Variants in DIP2C observed in about 807,000 individuals in gnomAD.
The protein encoded by DIP2C is disco-interacting protein 2 homolog C.
DIP2C carries 33 observed loss-of-function variants against 192.4 expected under a neutral mutation model. The ratio of observed to expected loss-of-function variants is 0.17; its 90% CI spans 0.13 to 0.23. The LOEUF is 0.23. Ranked by LOEUF, DIP2C falls within the 10% of genes least tolerant of loss-of-function variation. The pLI, the probability that DIP2C is intolerant of heterozygous loss-of-function variation, is 1.00. For synonymous variants in DIP2C, 979 were observed against 864.1 expected, an observed-to-expected ratio of 1.13 and a Z score of -2.33; for missense variants, 1,537 against 2,110.1, an observed-to-expected ratio of 0.73 and a Z score of 5.32.
chr10:473,904 G>A (rs1970850179), intron 2 of DIP2C, among the ~76,000 whole-genome samples: 1 of 152,126 alleles, frequency 6.6e-6, no homozygotes. Flanking sequence ...GCTTTTGATG[G>A]TGCGTGTGTG....
chr10:445,922 A>AAG (rs1385742978), intron 3 of DIP2C, among the ~76,000 whole-genome samples: 22 of 149,248 alleles, frequency 1.5e-4, no homozygotes, highest in African/African-American at 5.2e-4. Flanking sequence ...ATCTGTTGTG[A>AAG]AGTCTCACAG....
intron 3 of DIP2C, among the ~76,000 whole-genome samples, chr10:461,560 G>C (rs898176945): frequency 6.6e-6 from 1 of 152,162 alleles, no homozygotes; most frequent in Admixed American, 6.5e-5. Context: ...CCTACCAAGA[G>C]ACTTAGACTC....
At position 396,943 on chromosome 10, in the gene DIP2C, T is replaced by C. The variant is rs547766870; in HGVS notation, c.1260+2166A>G. ...ACGAGCATACTCAGGAGGCCAAGCA[T>C]GAACCTCCTGGCTTTGTACATAGGA... On this transcript the variant is annotated intron_variant, in intron 10 of 36. Coordinates refer to ENST00000280886, the MANE Select transcript of DIP2C (RefSeq NM_014974.3). 1.2e-3 allele frequency among the ~76,000 whole-genome samples: 186 copies of C among 152,150 alleles called. 4 individuals are homozygous for C. The highest frequency in any genetic ancestry group is 0.012 in the South Asian group (58 of 4,806).
intron 1 of DIP2C, among the ~76,000 whole-genome samples, chr10:532,067 C>G (rs1847404336): frequency 6.6e-6 from 1 of 152,170 alleles, no homozygotes; most frequent in Non-Finnish European, 1.5e-5. Flanking sequence ...CCTTTAGTGC[C>G]ATAAATCCTA....
intron 22 of DIP2C, among the ~76,000 whole-genome samples, chr10:361,025 G>A (rs1299509098): frequency 6.6e-6 from 1 of 152,096 alleles, no homozygotes; most frequent in Non-Finnish European, 1.5e-5. Flanking sequence ...CCGGGGCAGG[G>A]GACGTCTGCT....
At chr10:378,864 GA>G (rs1214938606) in intron 17 of DIP2C, among the ~76,000 whole-genome samples, 12 of 150,572 alleles carry the variant, frequency 8.0e-5, no homozygotes, top group Admixed American at 4.6e-4. Context: ...CATGTGAACA[GA>G]CATGCCTAGA....
At chr10:453,229 A>G (rs1269420257) in intron 3 of DIP2C, among the ~76,000 whole-genome samples, 1 of 152,216 alleles carries the variant, frequency 6.6e-6, no homozygotes. Flanking sequence ...CCAAAGCCTT[A>G]ATTACAAATG....
chr10:419,060 C>G lies in DIP2C; in HGVS notation c.739+5G>C. ...AAAAAAACGCATCTCTCCTTTGGGA[C>G]GTACCATCCCCGGTCTCCATGAGCT... On this transcript the variant is annotated splice_donor_5th_base_variant and intron_variant, in intron 6 of 36. Transcript: ENST00000280886. The G allele has an allele frequency of 6.2e-7, 1 of 1,614,240 alleles. No homozygotes were observed. The highest frequency in any genetic ancestry group is 8.5e-7 in the Non-Finnish European group (1 of 1,180,040).
chr10:644,572 C>A (rs957781241), intron 1 of DIP2C, among the ~76,000 whole-genome samples: 3 of 152,278 alleles, frequency 2.0e-5, no homozygotes, highest in Admixed American at 1.3e-4. Flanking sequence ...GGAGTCTGGG[C>A]AGGTGCAGCT....
intron 1 of DIP2C, among the ~76,000 whole-genome samples, chr10:496,419 T>A (rs890312250): frequency 6.7e-6 from 1 of 149,082 alleles, no homozygotes; most frequent in African/African-American, 2.5e-5. Context: ...CACGGTGCCC[T>A]CCCGTGTACT....
chr10:480,983 G>T (rs979185099), intron 2 of DIP2C, among the ~76,000 whole-genome samples: 1 of 152,198 alleles, frequency 6.6e-6, no homozygotes, highest in African/African-American at 2.4e-5. Flanking sequence ...CTGCCACATG[G>T]CCTGAGACCC....
intron 4 of DIP2C, chr10:437,956 T>C (rs1194116335): frequency 6.6e-6 from 1 of 152,136 alleles, no homozygotes; most frequent in African/African-American, 2.4e-5. Flanking sequence ...GTAAGCAGGG[T>C]AATAAACATG....
At chr10:526,825 A>G (rs1037568694) in intron 1 of DIP2C, among the ~76,000 whole-genome samples, 1 of 152,160 alleles carries the variant, frequency 6.6e-6, no homozygotes, top group African/African-American at 2.4e-5. Context: ...ATCTTCTCCC[A>G]GGGAACTGGT....
At chr10:643,229 A>T (rs1248247825) in intron 1 of DIP2C, among the ~76,000 whole-genome samples, 1 of 149,864 alleles carries the variant, frequency 6.7e-6, no homozygotes, top group Non-Finnish European at 1.5e-5. Flanking sequence ...AAAAAAAAAA[A>T]ACAGGCCGGG....
Position 554,210 on chromosome 10 carries a change from G to T in DIP2C, c.86-67680C>A, listed in dbSNP as rs543128724. 2.6e-5 allele frequency among the ~76,000 whole-genome samples: 4 copies of T among 152,256 alleles called. No individual in the cohort carries two copies. In the East Asian group the frequency reaches 7.7e-4, roughly 29 times the overall value. On this transcript the variant is annotated intron_variant, in intron 1 of 36. Transcript: ENST00000280886. Reference sequence around the variant, plus strand: ...CATCACAGGAGAAAAGGTATAGCTTGTAACTAACAGTGGCGAACAGGCAGG... The same window carrying T: ...CATCACAGGAGAAAAGGTATAGCTTTTAACTAACAGTGGCGAACAGGCAGG...
intron 1 of DIP2C, among the ~76,000 whole-genome samples, chr10:552,446 A>T (rs1347330987): frequency 6.6e-6 from 1 of 152,224 alleles, no homozygotes; most frequent in African/African-American, 2.4e-5. Context: ...CTTCCTTATT[A>T]TTCGAATACA....
At chr10:568,882 T>C (rs1394543684) in intron 1 of DIP2C, among the ~76,000 whole-genome samples, 9 of 148,766 alleles carry the variant, frequency 6.0e-5, no homozygotes, top group Non-Finnish European at 1.0e-4. Context: ...CTCAGAGCCG[T>C]TCAAGAGTAA....
At chr10:612,419 A>G (rs1347818884) in intron 1 of DIP2C, among the ~76,000 whole-genome samples, 1 of 152,254 alleles carries the variant, frequency 6.6e-6, no homozygotes, top group African/African-American at 2.4e-5. Context: ...TTTTAAGAAG[A>G]TATGAAGATG....
intron 1 of DIP2C, among the ~76,000 whole-genome samples, chr10:672,489 C>G (rs1830700420): frequency 6.6e-6 from 1 of 152,200 alleles, no homozygotes; most frequent in African/African-American, 2.4e-5. Context: ...GGCTGGGGAG[C>G]CAGAGATGAG....
Sources: allele counts gnomAD v4.1 joint callset (sites outside exome capture counted in the v4.1 genomes callset), GRCh38; gene constraint gnomAD v4.1.1; transcripts MANE v1.5; gene names NCBI Gene and HGNC (gene_info 2026-07-23, HGNC 2026-07-21).